ZBTB46: variants seen among roughly 807,000 people sequenced by gnomAD.
The protein encoded by ZBTB46 is zinc finger and BTB domain-containing protein 46.
A neutral mutation model predicts 44.1 loss-of-function variants in ZBTB46; 8 were observed. The ratio of observed to expected loss-of-function variants is 0.18; its 90% CI spans 0.11 to 0.33. The LOEUF is 0.33. ZBTB46 is among the 10% of genes least tolerant of loss of function. The pLI is 1.00. For missense variants in ZBTB46, 651 were observed against 847.7 expected, an observed-to-expected ratio of 0.77 and a Z score of 2.88; for synonymous variants, 409 against 382.3, an observed-to-expected ratio of 1.07 and a Z score of -0.81.
chr20:63,788,470 C>T (rs2092533602), intron 2 of ZBTB46, among the ~76,000 whole-genome samples: 2 of 152,202 alleles, frequency 1.3e-5, no homozygotes, highest in South Asian at 2.1e-4. Flanking sequence ...CCAGCTTCAA[C>T]AGAGCTAAGC....
chr20:63,801,736 C>T (rs761780719), intron 1 of ZBTB46, among the ~76,000 whole-genome samples: 23 of 152,066 alleles, frequency 1.5e-4, no homozygotes, highest in South Asian at 6.2e-4. Flanking sequence ...CCAGACACGC[C>T]GCCTTTAAGA....
chr20:63,790,721 G>A lies in ZBTB46; in HGVS notation c.37C>T (p.His13Tyr). ...NRKEDMEITS[H>Y]YRHLLRELNE... ...AGCTCCCGCAGCAGGTGCCGGTAGT[G>A]GGACGTGATTTCCATATCTTCCTTT... The change falls in exon 2 of 5, where the codon CAC becomes TAC. Residue 13 changes from histidine to tyrosine, a missense_variant. Physicochemically the swap from His to Tyr is moderately conservative, Grantham distance 83. This residue lies in a region of ZBTB46 where 65 missense variants were observed against 167.9 expected (regional missense o/e 0.39). Transcript: ENST00000245663. The A allele has an allele frequency of 6.2e-7, 1 of 1,609,762 alleles. No individual in the cohort carries two copies.
intron 2 of ZBTB46, among the ~76,000 whole-genome samples, chr20:63,789,372 G>C (rs989669235): frequency 1.3e-5 from 2 of 152,194 alleles, no homozygotes; most frequent in African/African-American, 2.4e-5. Context: ...AGGATGAAAA[G>C]CCTGGAGCTG....
chr20:63,757,830 G>A (rs1031234707), intron 3 of ZBTB46, among the ~76,000 whole-genome samples: 6 of 110,102 alleles, frequency 5.4e-5, no homozygotes, highest in Admixed American at 1.0e-4. Context: ...CCCTCCACCC[G>A]CCCCGTCCAG....
At chr20:63,748,365 C>G (rs1462437438) in intron 4 of ZBTB46, among the ~76,000 whole-genome samples, 2 of 152,224 alleles carry the variant, frequency 1.3e-5, no homozygotes, top group African/African-American at 2.4e-5. Context: ...CCACACACTG[C>G]TGGGGACATG....
intron 1 of ZBTB46, among the ~76,000 whole-genome samples, chr20:63,812,300 G>A (rs573419958): frequency 2.6e-5 from 4 of 152,138 alleles, no homozygotes; most frequent in Non-Finnish European, 5.9e-5. Flanking sequence ...ACGAGGTCAG[G>A]AGATCAAGAC....
At chr20:63,779,404 T>TC (rs2092450853) in intron 2 of ZBTB46, among the ~76,000 whole-genome samples, 1 of 106,748 alleles carries the variant, frequency 9.4e-6, no homozygotes, top group Non-Finnish European at 1.8e-5. Flanking sequence ...CCACGCCGGC[T>TC]AATTTTTTTT....
At chr20:63,800,992 C>T (rs2092639941) in intron 1 of ZBTB46, among the ~76,000 whole-genome samples, 1 of 152,266 alleles carries the variant, frequency 6.6e-6, no homozygotes, top group Non-Finnish European at 1.5e-5. Flanking sequence ...GACAGCTGGG[C>T]TCCTGAGTCT....
chr20:63,746,692 C>G lies in ZBTB46; in HGVS notation c.*238G>C. ...CTTAGGACCGTGCTCTCCCTTCACT[C>G]AAACCCACCCTGTGCCCTCCCCCAA... On this transcript the variant is annotated 3_prime_UTR_variant, in exon 5 of 5. Transcript: ENST00000245663. 3.4e-6 allele frequency: 2 copies of G among 579,906 alleles called. No homozygotes were observed. The highest frequency in any genetic ancestry group is 5.5e-6 in the Non-Finnish European group (2 of 362,258). 35.9% of individuals were successfully genotyped at this position (579,906 alleles called of 1,614,324 possible).
At chr20:63,800,779 C>A (rs2092638130) in intron 1 of ZBTB46, among the ~76,000 whole-genome samples, 1 of 152,238 alleles carries the variant, frequency 6.6e-6, no homozygotes, top group Admixed American at 6.5e-5. Context: ...CCCCTCAGGG[C>A]AGGGCTTGGG....
intron 2 of ZBTB46, among the ~76,000 whole-genome samples, chr20:63,785,998 T>C (rs1424701238): frequency 1.3e-5 from 2 of 152,192 alleles, no homozygotes; most frequent in Admixed American, 6.5e-5. Context: ...TATTTCTCAG[T>C]GCCTGCATCG....
rs1433264970 is a variant in ZBTB46 at position 63,752,445 on chromosome 20, G to A, written c.1398+241C>T. 2.0e-5 allele frequency among the ~76,000 whole-genome samples: 3 copies of A among 152,044 alleles called. No individual in the cohort carries two copies. Among genetic ancestry groups the A allele is most frequent in the Non-Finnish European group, 4.4e-5 (3 of 67,994 alleles). On this transcript the variant is annotated intron_variant, in intron 4 of 4. Transcript: ENST00000245663. The surrounding 1 kb of genome is among the most constrained non-coding windows in gnomAD (Gnocchi z 5.6). ...TTGCCGAGGCCTGGCTGCCTTGGCG[G>A]CCAGCAGGTGAGCAGGGTGGGCCGA...
At chr20:63,753,378 G>A (rs528552399) in intron 3 of ZBTB46, among the ~76,000 whole-genome samples, 2 of 152,348 alleles carry the variant, frequency 1.3e-5, no homozygotes, top group African/African-American at 2.4e-5. Context: ...CTTCTTGCTG[G>A]ACGCCGGAGA....
chr20:63,747,225 C>T lies in ZBTB46; in HGVS notation c.1475G>A (p.Arg492Lys), dbSNP rs770370421. The change falls in exon 5 of 5, where the codon AGG becomes AAG. Residue 492 changes from arginine (R) to lysine (K), a missense_variant. Coordinates refer to ENST00000245663, the MANE Select transcript of ZBTB46 (RefSeq NM_001369741.1). ...VFMSAASVGI[R>K]HGSRRHGVCT... ...CACACCGTGGCGCCTGGAGCCATGC[C>T]TGATGCCCACGCTGGCGGCGGACAT... 6 of 1,595,060 alleles carry T rather than the reference C, an allele frequency of 3.8e-6. No individual in the cohort carries two copies. Among genetic ancestry groups the T allele is most frequent in the Non-Finnish European group, 5.1e-6 (6 of 1,171,166 alleles).
intron 1 of ZBTB46, among the ~76,000 whole-genome samples, chr20:63,800,187 A>G (rs369174861): frequency 6.6e-6 from 1 of 152,182 alleles, no homozygotes; most frequent in Admixed American, 6.5e-5. Context: ...CCCCCTATAC[A>G]GGTCACATCC....
intron 4 of ZBTB46, among the ~76,000 whole-genome samples, chr20:63,751,020 A>C (rs2092155753): frequency 6.6e-6 from 1 of 152,252 alleles, no homozygotes; most frequent in Non-Finnish European, 1.5e-5. Context: ...TTGCTGAAGA[A>C]AGACGTTGCA....
chr20:63,782,086 CA>C lies in ZBTB46; in HGVS notation c.938-6125del, dbSNP rs66508825. ...TGGGTGAAAGAGCAAGACTCCGTCT[CA>C]AAAAAAAAAAAAAGAAAAGAGGCGT... On this transcript the variant is annotated intron_variant, in intron 2 of 4. Transcript: ENST00000245663. Among the ~76,000 whole-genome samples the C allele has an allele frequency of 2.9e-3, 134 of 46,850 alleles. 4 individuals are homozygous for C. The highest frequency in any genetic ancestry group is 9.8e-3 in the Middle Eastern group (1 of 102). The allele number at this position is 46,850 out of a possible 152,430, so 30.7% of individuals were successfully genotyped here.
At chr20:63,782,634 C>T (rs1010377116) in intron 2 of ZBTB46, among the ~76,000 whole-genome samples, 6 of 152,326 alleles carry the variant, frequency 3.9e-5, no homozygotes, top group African/African-American at 1.2e-4. Context: ...GACACCCAAA[C>T]GCCCACATCC....
At chr20:63,763,223 T>C (rs904498794) in intron 3 of ZBTB46, among the ~76,000 whole-genome samples, 1 of 152,252 alleles carries the variant, frequency 6.6e-6, no homozygotes, top group African/African-American at 2.4e-5. Context: ...ATTATTGATG[T>C]GGCTGGTGTA....
Sources: allele counts gnomAD v4.1 joint callset (sites outside exome capture counted in the v4.1 genomes callset), GRCh38; gene constraint gnomAD v4.1.1; regional missense constraint gnomAD v4.1.1; non-coding constraint Gnocchi (gnomAD v3.1); transcripts MANE v1.5; gene names NCBI Gene and HGNC (gene_info 2026-07-23, HGNC 2026-07-21).